Variants in THADA observed in about 807,000 individuals in gnomAD.
THADA encodes THADA armadillo repeat containing.
Under a neutral mutation model 219.8 loss-of-function variants are expected in THADA, and 213 were observed. The observed-to-expected ratio is 0.97, with a 90% CI of 0.87 to 1.09. The LOEUF is 1.09. Ranked by LOEUF, THADA falls within the 50% of genes least tolerant of loss-of-function variation. The pLI is 0.00. For missense variants in THADA, 2,956 were observed against 2,311.3 expected (o/e 1.28, Z -5.72); for synonymous variants, 1,018 against 828.9 (o/e 1.23, Z -3.92).
chr2:43,269,410 A>C (rs560446502), intron 36 of THADA, among the ~76,000 whole-genome samples: 2 of 152,344 alleles, frequency 1.3e-5, no homozygotes, highest in East Asian at 3.9e-4. Context: ...CCCAGCAACC[A>C]GGCCCAGCCA....
chr2:43,350,127 C>T (rs1668081650), intron 29 of THADA, among the ~76,000 whole-genome samples: 3 of 152,226 alleles, frequency 2.0e-5, no homozygotes, highest in African/African-American at 7.2e-5. Flanking sequence ...AACAGGCAAA[C>T]ATTGTTTCAG....
intron 26 of THADA, among the ~76,000 whole-genome samples, chr2:43,478,079 G>A (rs1022374052): frequency 1.3e-5 from 2 of 152,108 alleles, no homozygotes; most frequent in Non-Finnish European, 2.9e-5. Context: ...TAGTTTCCAT[G>A]TTGGTCTTAC....
intron 7 of THADA, among the ~76,000 whole-genome samples, chr2:43,582,969 CT>C (rs1205798305): frequency 6.6e-6 from 1 of 152,148 alleles, no homozygotes; most frequent in Non-Finnish European, 1.5e-5. Flanking sequence ...TCTCCCTGAT[CT>C]TTTTATGTTA....
At chr2:43,558,340 C>A (rs1025160963) in intron 16 of THADA, among the ~76,000 whole-genome samples, 1 of 151,982 alleles carries the variant, frequency 6.6e-6, no homozygotes, top group Non-Finnish European at 1.5e-5. Context: ...TAAGGGACAC[C>A]CAAAGAAAGA....
At chr2:43,531,857 T>G (rs1196688799) in intron 21 of THADA, among the ~76,000 whole-genome samples, 1 of 152,096 alleles carries the variant, frequency 6.6e-6, no homozygotes, top group Non-Finnish European at 1.5e-5. Context: ...TTTTTTCGAC[T>G]CATAATTTTT....
chr2:43,348,031 G>A (rs1031847962), intron 29 of THADA, among the ~76,000 whole-genome samples: 22 of 152,310 alleles, frequency 1.4e-4, no homozygotes, highest in Non-Finnish European at 1.5e-5. Context: ...TAGTAGTCTA[G>A]ACAAGAGGAG....
intron 15 of THADA, chr2:43,563,486 A>T (rs1220228300): frequency 4.6e-5 from 7 of 152,162 alleles, no homozygotes; most frequent in African/African-American, 1.7e-4. Context: ...TATCTACATA[A>T]TGTACTAATA....
chr2:43,352,902 A>T (rs1018989317), intron 29 of THADA, among the ~76,000 whole-genome samples: 1 of 152,146 alleles, frequency 6.6e-6, no homozygotes, highest in Non-Finnish European at 1.5e-5. Flanking sequence ...CCTATACTCC[A>T]ACCCTGGTAA....
At chr2:43,535,316 C>A (rs1694425400) in intron 21 of THADA, among the ~76,000 whole-genome samples, 1 of 151,426 alleles carries the variant, frequency 6.6e-6, no homozygotes, top group Non-Finnish European at 1.5e-5. Context: ...CTTTGCTGTG[C>A]AGAAGGTTTT....
chr2:43,317,398 C>T (rs1051595216), intron 31 of THADA, among the ~76,000 whole-genome samples: 3 of 152,188 alleles, frequency 2.0e-5, no homozygotes, highest in African/African-American at 7.2e-5. Flanking sequence ...CTACTATGTG[C>T]TTAGACGACA....
At chr2:43,539,573 G>A (rs1028871466) in intron 21 of THADA, among the ~76,000 whole-genome samples, 2 of 152,158 alleles carry the variant, frequency 1.3e-5, no homozygotes, top group African/African-American at 4.8e-5. Flanking sequence ...GGGTTCCAGT[G>A]TTAGAACACT....
At chr2:43,278,531 G>T (rs1179530784) in intron 36 of THADA, among the ~76,000 whole-genome samples, 1 of 152,196 alleles carries the variant, frequency 6.6e-6, no homozygotes, top group Non-Finnish European at 1.5e-5. Flanking sequence ...TAGCTATTGG[G>T]CAAGTCTGGC....
At chr2:43,300,318 T>C (rs890824380) in intron 31 of THADA, among the ~76,000 whole-genome samples, 4 of 151,882 alleles carry the variant, frequency 2.6e-5, no homozygotes, top group Non-Finnish European at 5.9e-5. Context: ...ACTTTTAGAA[T>C]TGACACTTGT....
At chr2:43,582,413 C>CT (rs1700555679) in intron 7 of THADA, among the ~76,000 whole-genome samples, 1 of 149,634 alleles carries the variant, frequency 6.7e-6, no homozygotes, top group South Asian at 2.2e-4. Flanking sequence ...AGGAGAATCG[C>CT]TTGAACCCCA....
chr2:43,389,176 C>T (rs1673056747), intron 29 of THADA, among the ~76,000 whole-genome samples: 1 of 152,174 alleles, frequency 6.6e-6, no homozygotes, highest in South Asian at 2.1e-4. Context: ...AGCAGCAGAG[C>T]TAGGATCCAG....
chr2:43,499,709 G>A (rs980170505), intron 24 of THADA, among the ~76,000 whole-genome samples: 2 of 151,800 alleles, frequency 1.3e-5, no homozygotes, highest in South Asian at 2.1e-4. Context: ...ACATTTTCAA[G>A]CACATTAAAC....
intron 24 of THADA, among the ~76,000 whole-genome samples, chr2:43,503,172 A>G (rs918894157): frequency 6.6e-6 from 1 of 152,224 alleles, no homozygotes; most frequent in Admixed American, 6.5e-5. Flanking sequence ...ATCAGATTGA[A>G]TATGTGTGTA....
At chr2:43,382,669 A>C (rs1053237628) in intron 29 of THADA, among the ~76,000 whole-genome samples, 1 of 152,218 alleles carries the variant, frequency 6.6e-6, no homozygotes, top group African/African-American at 2.4e-5. Flanking sequence ...ACAATCATAA[A>C]GATTCTAGCC....
intron 29 of THADA, among the ~76,000 whole-genome samples, chr2:43,356,845 T>C (rs1049111528): frequency 2.0e-5 from 3 of 152,248 alleles, no homozygotes; most frequent in African/African-American, 7.2e-5. Context: ...GCCTACTGGA[T>C]ACTTCATGGC....
Sources: allele counts gnomAD v4.1 joint callset (sites outside exome capture counted in the v4.1 genomes callset), GRCh38; gene constraint gnomAD v4.1.1; transcripts MANE v1.5; gene names NCBI Gene and HGNC (gene_info 2026-07-23, HGNC 2026-07-21).